Variants in TPR observed in about 807,000 individuals in gnomAD.
TPR encodes nucleoprotein TPR.
Under a neutral mutation model 316.1 loss-of-function variants are expected in TPR, and 51 were observed. The observed-to-expected ratio is 0.16, with a 90% confidence interval of 0.13 to 0.20. TPR has a LOEUF of 0.20. TPR is among the 10% of genes least tolerant of loss of function. TPR has a pLI of 1.00. For synonymous variants in TPR, 981 were observed against 914.7 expected, an observed-to-expected ratio of 1.07 and a Z score of -1.31; for missense variants, 2,272 against 2,754.8, an observed-to-expected ratio of 0.82 and a Z score of 3.92.
rs746605361 is a variant in TPR at position 186,356,322 on chromosome 1, A to G, written c.1852T>C (p.Leu618=). The G allele has an allele frequency of 1.9e-6, 3 of 1,610,604 alleles. No individual in the cohort carries two copies. Among genetic ancestry groups the G allele is most frequent in the Admixed American group, 1.7e-5 (1 of 59,870 alleles). ...ATGGCAACTCCTGTTGTTTGTGACAATAAAATACGGTACATATCACGCTGA... is the reference window on the plus strand; with the variant it reads ...ATGGCAACTCCTGTTGTTTGTGACAGTAAAATACGGTACATATCACGCTGA... ...VRQRDMYRIL[L]SQTTGVAIPL... The change falls in exon 15 of 51, where the codon TTG becomes CTG. Residue 618 remains leucine, a synonymous_variant. Coordinates refer to ENST00000367478, the MANE Select transcript of TPR (RefSeq NM_003292.3).
intron 39 of TPR, among the ~76,000 whole-genome samples, chr1:186,328,343 A>T (rs1414490711): frequency 6.6e-6 from 1 of 152,196 alleles, no homozygotes; most frequent in Non-Finnish European, 1.5e-5. Context: ...GTGATTAATA[A>T]TATACTTAAC....
chr1:186,370,501 TG>T (rs1659488559), intron 3 of TPR, among the ~76,000 whole-genome samples: 1 of 152,092 alleles, frequency 6.6e-6, no homozygotes, highest in Admixed American at 6.5e-5. Context: ...TTCAGAAATG[TG>T]AAGAAATTAT....
rs747237847 is a variant in TPR, at chr1:186,356,624, A to T, written c.1725-175T>A. On this transcript the variant is annotated intron_variant, in intron 14 of 50. Coordinates refer to ENST00000367478, the MANE Select transcript of TPR (RefSeq NM_003292.3). ...ACTACTTTTTAAATCCCCACCACAC[A>T]GGACTCAGGTACTTATACTTACCAA... is the stretch of plus-strand genomic sequence containing the variant. 9.8e-4 allele frequency: 575 copies of T among 587,912 alleles called. 4 individuals are homozygous for T. The highest frequency in any genetic ancestry group is 2.6e-4 in the Non-Finnish European group (89 of 344,284). 36.4% of individuals were successfully genotyped at this position (587,912 alleles called of 1,614,324 possible).
At chr1:186,332,477 T>C (rs1658194502) in intron 37 of TPR, 134 bp from the exon 38 acceptor site, 2 of 932,114 alleles carry the variant, frequency 2.1e-6, no homozygotes, top group Non-Finnish European at 3.1e-6. Flanking sequence ...TAAAATACAA[T>C]CAATCAACTC....
intron 37 of TPR, among the ~76,000 whole-genome samples, chr1:186,332,691 G>C (rs770788307): frequency 2.3e-4 from 35 of 152,132 alleles, no homozygotes; most frequent in Non-Finnish European, 3.4e-4. Flanking sequence ...ATAAAACTCA[G>C]GACTCCTTGA....
chr1:186,343,816 G>A (rs569054143), intron 26 of TPR, 90 bp downstream of exon 26: 21 of 1,125,372 alleles, frequency 1.9e-5, no homozygotes, highest in East Asian at 1.6e-4. Context: ...TATCAAAATC[G>A]TGTATAATCT....
intron 20 of TPR, among the ~76,000 whole-genome samples, 176 bp from the exon 21 acceptor site, chr1:186,350,564 G>C (rs1658830416): frequency 6.6e-6 from 1 of 152,090 alleles, no homozygotes. Context: ...CCGAGATCCT[G>C]AGACAGAAAA....
chr1:186,322,530 T>G lies in TPR; in HGVS notation c.6354A>C (p.Gly2118=). 6.2e-7 allele frequency: 1 copy of G among 1,614,106 alleles called. No individual in the cohort carries two copies. The change falls in exon 44 of 51, where the codon GGA becomes GGC. Residue 2118 remains glycine, a synonymous_variant. Coordinates refer to ENST00000367478, the MANE Select transcript of TPR (RefSeq NM_003292.3). The part of the protein sequence containing the change: ...SVGRGLQLTP[G]IGGMQQHFFD... The stretch of plus-strand genomic sequence containing the variant: ...GGTAAGTACTTACCATGCCACCTAT[T>G]CCTGGAGTCAACTGAAGGCCACGTC...
At chr1:186,351,539 C>T (rs1038769303) in intron 19 of TPR, 69 bp from the exon 20 acceptor site, 2 of 1,465,384 alleles carry the variant, frequency 1.4e-6, no homozygotes, top group South Asian at 1.6e-5. Flanking sequence ...AAATTGAAGG[C>T]AAGAAAGAAT....
intron 3 of TPR, among the ~76,000 whole-genome samples, chr1:186,370,050 G>T (rs1659475725): frequency 6.6e-6 from 1 of 151,918 alleles, no homozygotes; most frequent in Non-Finnish European, 1.5e-5. Flanking sequence ...TTTTATTTCT[G>T]GACTGCCTTT....
At chr1:186,322,456 A>G in intron 44 of TPR, 44 bp from the exon 45 acceptor site, 1 of 1,612,040 alleles carries the variant, frequency 6.2e-7, no homozygotes, top group Non-Finnish European at 8.5e-7. Context: ...CACCACACAT[A>G]TGGACTATAT....
At position 186,326,254 on chromosome 1, in the gene TPR, G is replaced by T; in HGVS notation, c.5890-19C>A. 6.3e-7 allele frequency: 1 copy of T among 1,591,056 alleles called. No individual in the cohort carries two copies. The highest frequency in any genetic ancestry group is 8.6e-7 in the Non-Finnish European group (1 of 1,168,826). ...CATAATCCTAGTAGAAAGTTCCCCA[G>T]GCATAAATAAAAGTTTAGAATATGG... is the stretch of plus-strand genomic sequence containing the variant. On this transcript the variant is annotated intron_variant, in intron 40 of 50. Transcript: ENST00000367478.
At chr1:186,368,947 TC>T (rs1659425419) in intron 3 of TPR, among the ~76,000 whole-genome samples, 1 of 152,166 alleles carries the variant, frequency 6.6e-6, no homozygotes, top group African/African-American at 2.4e-5. Context: ...AACACAAACA[TC>T]CAACATTCAT....
chr1:186,373,427 T>C lies in TPR; in HGVS notation c.188A>G (p.His63Arg). 1 of 1,613,458 alleles carries C rather than the reference T, an allele frequency of 6.2e-7. No homozygotes were observed. The highest frequency in any genetic ancestry group is 1.1e-5 in the South Asian group (1 of 91,030). Reference sequence around the variant, plus strand: ...TTCATTCACAAGTCTCTCCTGACTGTGGGACAACCTCTTTTCTATTTCAAA... The same window carrying C: ...TTCATTCACAAGTCTCTCCTGACTGCGGGACAACCTCTTTTCTATTTCAAA... The part of the protein sequence containing the change: ...QYFEIEKRLS[H>R]SQERLVNETR... The change falls in exon 2 of 51, where the codon CAC (histidine) becomes CGC (arginine). Residue 63 changes from histidine to arginine, a missense_variant. His to Arg is a conservative substitution (Grantham distance 29). This residue lies in a region of TPR where 549 missense variants were observed against 598.6 expected (regional missense o/e 0.92). Transcript: ENST00000367478.
chr1:186,325,898 A>G, intron 41 of TPR, 44 bp from the exon 42 acceptor site: 5 of 1,595,990 alleles, frequency 3.1e-6, no homozygotes, highest in Non-Finnish European at 3.4e-6. Context: ...TAAAATAAAT[A>G]TGTTAAAAAA....
intron 40 of TPR, among the ~76,000 whole-genome samples, 179 bp downstream of exon 40, chr1:186,327,280 AT>A (rs1409226120): frequency 0.012 from 41 of 3,504 alleles, 13 homozygotes; most frequent in Non-Finnish European, 0.018. Flanking sequence ...ATATTTATAT[AT>A]AATATATATA....
In TPR at chr1:186,361,616, A is replaced by G. The variant is rs1659190330; in HGVS notation, c.958+6T>C. The G allele has an allele frequency of 1.2e-6, 2 of 1,612,966 alleles. No individual in the cohort carries two copies. Reference sequence around the variant, plus strand: ...AAATAATGTTCCCATAACTGAAAACACTTACCTTCACCAGCTTCTTTCAAA... The same window carrying G: ...AAATAATGTTCCCATAACTGAAAACGCTTACCTTCACCAGCTTCTTTCAAA... On this transcript the variant is annotated splice_donor_region_variant and intron_variant, in intron 9 of 50. Coordinates refer to ENST00000367478, the MANE Select transcript of TPR (RefSeq NM_003292.3).
chr1:186,340,615 G>C (rs1658483938), intron 29 of TPR, among the ~76,000 whole-genome samples: 1 of 151,832 alleles, frequency 6.6e-6, no homozygotes, highest in African/African-American at 2.4e-5. Context: ...ATTTTTTGTA[G>C]AGTTGGAGTC....
Position 186,346,306 on chromosome 1 carries a change from AGTAGGAT to A in TPR, c.2944-26_2944-20del. The A allele has an allele frequency of 6.3e-7, 1 of 1,590,360 alleles. No homozygotes were observed. Among genetic ancestry groups the A allele is most frequent in the Non-Finnish European group, 8.5e-7 (1 of 1,170,548 alleles). On this transcript the variant is annotated intron_variant, in intron 22 of 50. Transcript: ENST00000367478. ...CTGTCACCTTTACCATATTACAAAC[AGTAGGAT>A]ATAAAAATTACACACATTTAAAGTC...
Sources: gnomAD v4.1 joint callset for allele counts (sites outside exome capture counted in the v4.1 genomes callset) on GRCh38, gnomAD v4.1.1 for gene constraint, gnomAD v4.1.1 regional missense constraint, MANE v1.5 for transcripts, NCBI Gene and HGNC (gene_info 2026-07-23, HGNC 2026-07-21) for gene names.